Variants in EML5 observed in about 807,000 individuals in gnomAD.
EML5 encodes EMAP like 5, also known as echinoderm microtubule-associated protein-like 5.
Under a neutral mutation model 250.0 loss-of-function variants are expected in EML5, and 120 were observed. The ratio of observed to expected loss-of-function variants is 0.48; its 90% confidence interval spans 0.41 to 0.56. EML5 has a LOEUF of 0.56. Ranked by LOEUF, EML5 falls within the 20% of genes least tolerant of loss-of-function variation. The probability of loss-of-function intolerance (pLI) is 0.00; values close to 1 mark genes in which losing one functional copy is unlikely to be tolerated. For missense variants in EML5, 2,006 were observed against 2,437.6 expected, an observed-to-expected ratio of 0.82 and a Z score of 3.73; for synonymous variants, 771 against 806.5, an observed-to-expected ratio of 0.96 and a Z score of 0.75.
intron 1 of EML5, among the ~76,000 whole-genome samples, chr14:88,788,263 A>T (rs1207545593): frequency 6.6e-6 from 1 of 152,234 alleles, no homozygotes; most frequent in Non-Finnish European, 1.5e-5. Context: ...GAATAAATTA[A>T]GTTTCTATAC....
intron 18 of EML5, among the ~76,000 whole-genome samples, chr14:88,687,797 G>C (rs2092868345): frequency 6.6e-6 from 1 of 151,928 alleles, no homozygotes; most frequent in Admixed American, 6.6e-5. Context: ...CAGCAGACCT[G>C]GCTGGCACCA....
intron 7 of EML5, among the ~76,000 whole-genome samples, chr14:88,732,446 C>T (rs1009109952): frequency 2.6e-5 from 4 of 152,106 alleles, no homozygotes; most frequent in Non-Finnish European, 5.9e-5. Context: ...GGTACCAGTA[C>T]CATGCTGTTT....
At chr14:88,664,777 C>T (rs1393507304) in intron 22 of EML5, among the ~76,000 whole-genome samples, 153 bp from the exon 23 acceptor site, 1 of 152,088 alleles carries the variant, frequency 6.6e-6, no homozygotes, top group Non-Finnish European at 1.5e-5. Context: ...CAAATGATAA[C>T]ATTTTTCAAG....
chr14:88,621,072 T>A (rs1464213306), intron 38 of EML5, 41 bp downstream of exon 38: 9 of 1,566,396 alleles, frequency 5.7e-6, no homozygotes, highest in Non-Finnish European at 7.8e-6. Context: ...CTTTTCTTTT[T>A]AGAAGTTGTA....
chr14:88,734,672 G>A (rs1228117280), intron 7 of EML5, among the ~76,000 whole-genome samples: 1 of 152,054 alleles, frequency 6.6e-6, no homozygotes, highest in Non-Finnish European at 1.5e-5. Context: ...CATCAAGCAG[G>A]AGTACATCAC....
rs1181962810 is a variant in EML5, at chr14:88,704,869, A to C, written c.2042T>G (p.Phe681Cys). ...RAPGNSIRLH[F>C]VHGYRGYDCR... ...GATAGTTGTTTTATACCCGTGAACA[A>C]AGTGTAATCGAATACTATTTCCTGG... is the stretch of plus-strand genomic sequence containing the variant. The change falls in exon 13 of 44, where the codon TTT (phenylalanine) becomes TGT (cysteine). Residue 681 changes from phenylalanine to cysteine, a missense_variant. Coordinates refer to ENST00000554922, the MANE Select transcript of EML5 (RefSeq NM_183387.3). 1 of 1,612,000 alleles carries C rather than the reference A, an allele frequency of 6.2e-7. No individual in the cohort carries two copies. Among genetic ancestry groups the C allele is most frequent in the Non-Finnish European group, 8.5e-7 (1 of 1,178,796 alleles).
chr14:88,612,487 C>T lies in EML5; in HGVS notation c.*3331G>A, dbSNP rs1164526416. The T allele has an allele frequency of 6.6e-6, 1 of 152,234 alleles. No homozygotes were observed. Among genetic ancestry groups the T allele is most frequent in the Admixed American group, 6.6e-5 (1 of 15,262 alleles). 9.4% of individuals were successfully genotyped at this position (152,234 alleles called of 1,614,324 possible). On this transcript the variant is annotated 3_prime_UTR_variant, in exon 44 of 44. Transcript: ENST00000554922. ...CCTTCTAAATAATTTTTTTGGGAAA[C>T]TACATTATCACAAAATTATACAAAT...
chr14:88,658,387 C>T lies in EML5; in HGVS notation c.3677G>A (p.Gly1226Glu). 1 of 1,581,392 alleles carries T rather than the reference C, an allele frequency of 6.3e-7. No homozygotes were observed. The highest frequency in any genetic ancestry group is 1.2e-5 in the South Asian group (1 of 83,162). Residue 1226 changes from glycine (G) to glutamate (E), a missense_variant and splice_region_variant, in exon 26 of 44, where the codon GGG becomes GAG. By Grantham distance (98) the Gly-to-Glu change is moderately conservative. Transcript: ENST00000554922. ...FVKLFRYPTKGKFGKFKRYVA... is the reference protein window; with the variant it reads ...FVKLFRYPTKEKFGKFKRYVA... ...ATACCTCTTAAACTTTCCAAATTTC[C>T]CCTAAAGAGGAAGAAAATTCAAACA...
intron 25 of EML5, among the ~76,000 whole-genome samples, chr14:88,659,189 T>C (rs769351263): frequency 2.6e-5 from 4 of 152,062 alleles, no homozygotes; most frequent in Non-Finnish European, 4.4e-5. Context: ...AGATGTCTTA[T>C]ACAAAACACA....
At chr14:88,671,124 A>G (rs1257019363) in intron 21 of EML5, among the ~76,000 whole-genome samples, 1 of 152,190 alleles carries the variant, frequency 6.6e-6, no homozygotes, top group Non-Finnish European at 1.5e-5. Context: ...CTCCAAGGTC[A>G]AAATGAAGGA....
intron 14 of EML5, among the ~76,000 whole-genome samples, chr14:88,701,105 C>T (rs1023136156): frequency 6.6e-6 from 1 of 152,114 alleles, no homozygotes; most frequent in Non-Finnish European, 1.5e-5. Flanking sequence ...ATCATTAGTT[C>T]TTCATTACAT....
At chr14:88,752,765 C>G (rs1408959484) in intron 2 of EML5, among the ~76,000 whole-genome samples, 1 of 152,160 alleles carries the variant, frequency 6.6e-6, no homozygotes, top group Non-Finnish European at 1.5e-5. Flanking sequence ...AACCCCAACC[C>G]TGTACCCATA....
chr14:88,671,461 C>T lies in EML5; in HGVS notation c.3125-5972G>A, dbSNP rs149046598. Among the ~76,000 whole-genome samples the T allele has an allele frequency of 1.9e-3, 296 of 152,166 alleles. 1 individual carries two copies. The highest frequency in any genetic ancestry group is 2.5e-3 in the Non-Finnish European group (172 of 67,972). ...GCCACTGCAAAAACACACTGAAGTA[C>T]GAAAATCAATGATACTACGAAGCAA... On this transcript the variant is annotated intron_variant, in intron 21 of 43. Transcript: ENST00000554922.
chr14:88,663,152 AT>A lies in EML5; in HGVS notation c.3410-34del. 4 of 1,368,242 alleles carry A rather than the reference AT, an allele frequency of 2.9e-6. No individual in the cohort carries two copies. The South Asian group carries it at 5.4e-5, about 19-fold the overall frequency. The allele number at this position is 1,368,242 out of a possible 1,614,324, so 84.8% of individuals were successfully genotyped here. On this transcript the variant is annotated intron_variant, in intron 23 of 43. Coordinates refer to ENST00000554922, the MANE Select transcript of EML5 (RefSeq NM_183387.3). ...AAAATTTTTAAAAATATTTACACAT[AT>A]AAAATACATACAAATATATATACCA...
chr14:88,773,838 G>A (rs934907378), intron 1 of EML5, among the ~76,000 whole-genome samples: 1 of 152,048 alleles, frequency 6.6e-6, no homozygotes, highest in Non-Finnish European at 1.5e-5. Flanking sequence ...TATTACTGGG[G>A]CCGGGCATAG....
At chr14:88,657,700 G>A (rs1286104084) in intron 26 of EML5, among the ~76,000 whole-genome samples, 198 bp from the exon 27 acceptor site, 1 of 152,080 alleles carries the variant, frequency 6.6e-6, no homozygotes, top group Non-Finnish European at 1.5e-5. Flanking sequence ...GTATTACTAA[G>A]TAATAATAGC....
chr14:88,627,766 T>C lies in EML5; in HGVS notation c.4411A>G (p.Ile1471Val). The C allele has an allele frequency of 6.2e-7, 1 of 1,611,040 alleles. No individual in the cohort carries two copies. The highest frequency in any genetic ancestry group is 8.5e-7 in the Non-Finnish European group (1 of 1,178,590). ...CCCTTTGAATGGTAGCATCTTAGGA[T>C]AGATAAAGTCTGCTTGTTCATTGCA... is the stretch of plus-strand genomic sequence containing the variant. ...WDAMNKQTLSILRCYHSKGVC... is the reference protein window; with the variant it reads ...WDAMNKQTLSVLRCYHSKGVC... The change falls in exon 34 of 44, where the codon ATC (isoleucine) becomes GTC (valine). Residue 1471 changes from isoleucine (I) to valine (V), a missense_variant. Transcript: ENST00000554922.
intron 21 of EML5, among the ~76,000 whole-genome samples, chr14:88,669,201 G>T (rs892657908): frequency 6.6e-6 from 1 of 152,182 alleles, no homozygotes; most frequent in Non-Finnish European, 1.5e-5. Context: ...GTGAGCCCAT[G>T]CCACCAGTTC....
chr14:88,659,305 G>A (rs1438585145), intron 25 of EML5, among the ~76,000 whole-genome samples: 1 of 151,640 alleles, frequency 6.6e-6, no homozygotes, highest in East Asian at 1.9e-4. Flanking sequence ...TCCGCCTCCT[G>A]GTTCAAGCGA....
Sources: gnomAD v4.1 joint callset for allele counts (sites outside exome capture counted in the v4.1 genomes callset) on GRCh38, gnomAD v4.1.1 for gene constraint, MANE v1.5 for transcripts, NCBI Gene and HGNC (gene_info 2026-07-23, HGNC 2026-07-21) for gene names.